Variants in MED16 observed in about 807,000 individuals in gnomAD.
MED16 encodes mediator complex subunit 16.
Under a neutral mutation model 84.4 loss-of-function variants are expected in MED16, and 81 were observed. That is an observed-to-expected ratio of 0.96 (90% confidence interval 0.80 to 1.15). The LOEUF (loss-of-function observed/expected upper bound fraction) is 1.15. Among genes scored for constraint, MED16 ranks in the 50% most tolerant of loss-of-function variants. The pLI is 0.00. For missense variants in MED16, 1,585 were observed against 1,245.9 expected, an observed-to-expected ratio of 1.27 and a Z score of -4.10; for synonymous variants, 897 against 552.2, an observed-to-expected ratio of 1.62 and a Z score of -8.76.
chr19:879,396 C>G, intron 8 of MED16, among the ~76,000 whole-genome samples: 1 of 142,286 alleles, frequency 7.0e-6, no homozygotes, highest in Non-Finnish European at 1.5e-5. Context: ...GCCCCAGCAG[C>G]TCACCTTTCC....
At position 877,144 on chromosome 19, in the gene MED16, G is replaced by C; in HGVS notation, c.1390C>G (p.Pro464Ala). 1 of 1,612,028 alleles carries C rather than the reference G, an allele frequency of 6.2e-7. No homozygotes were observed. Among genetic ancestry groups the C allele is most frequent in the Non-Finnish European group, 8.5e-7 (1 of 1,179,720 alleles). ...VLRLSPSMGHPLEVGLALRHL... is the reference protein window; with the variant it reads ...VLRLSPSMGHALEVGLALRHL... The stretch of plus-strand genomic sequence containing the variant: ...CGCAGCGCCAGCCCCACCTCCAGCG[G>C]GTGGCCCATGGAAGGTGAGAGGCGG... Residue 464 changes from proline (P) to alanine (A), a missense_variant, in exon 9 of 16, where the codon CCG (proline) becomes GCG (alanine). Coordinates refer to ENST00000325464, the MANE Select transcript of MED16 (RefSeq NM_005481.3).
intron 4 of MED16, among the ~76,000 whole-genome samples, chr19:889,275 G>A (rs113805600): frequency 1.3e-5 from 2 of 152,088 alleles, no homozygotes; most frequent in African/African-American, 4.8e-5. Context: ...CTAAATCAGA[G>A]GGTGGGCTGC....
chr19:886,678 G>C (rs187493353), intron 4 of MED16, among the ~76,000 whole-genome samples: 103 of 152,366 alleles, frequency 6.8e-4, no homozygotes, highest in Non-Finnish European at 1.9e-4. Flanking sequence ...TGCTGTGTAA[G>C]CACCAGCGGC....
In MED16 at chr19:868,896, G is replaced by A. The variant is rs763073436; in HGVS notation, c.2366C>T (p.Ala789Val). 7 of 1,551,840 alleles carry A rather than the reference G, an allele frequency of 4.5e-6. No homozygotes were observed. The East Asian group carries it at 9.4e-5, about 21-fold the overall frequency. ...GGCCTTGCATTCCTCCGTGGGGCAA[G>A]CGCCAAGGTGCAGCCTCCGCAGGTG... ...IDHLRRLHLG[A>V]CPTEECKACT... Residue 789 changes from alanine to valine, a missense_variant, in exon 14 of 16, where the codon GCT (alanine) becomes GTT (valine). Coordinates refer to ENST00000325464, the MANE Select transcript of MED16 (RefSeq NM_005481.3).
At chr19:871,524 C>A in intron 12 of MED16, 1 of 1,563,536 alleles carries the variant, frequency 6.4e-7, no homozygotes, top group Non-Finnish European at 8.6e-7. Context: ...TGTGCCTTTT[C>A]CAGACACTGG....
chr19:881,456 C>T (rs919041767), intron 7 of MED16, 103 bp downstream of exon 7: 25 of 1,358,674 alleles, frequency 1.8e-5, no homozygotes, highest in African/African-American at 5.8e-5. Flanking sequence ...TCAGAGCCCA[C>T]GTCCTCTGGT....
At chr19:877,242 G>C in intron 8 of MED16, 62 bp from the exon 9 acceptor site, 3 of 1,516,504 alleles carry the variant, frequency 2.0e-6, no homozygotes, top group Non-Finnish European at 1.8e-6. Flanking sequence ...AGCCGGGAGA[G>C]GAATGGGGCC....
intron 6 of MED16, among the ~76,000 whole-genome samples, chr19:884,629 C>T (rs187703916): frequency 1.9e-4 from 29 of 152,322 alleles, no homozygotes; most frequent in Admixed American, 1.4e-3. Flanking sequence ...GGCTGAGCAA[C>T]GACACCTCTC....
rs751604368 is a variant in MED16, at chr19:877,174, C to T, written c.1360G>A (p.Val454Met). The change falls in exon 9 of 16, where the codon GTG becomes ATG. Residue 454 changes from valine to methionine, a missense_variant. By Grantham distance (21) the Val-to-Met change is conservative. Coordinates refer to ENST00000325464, the MANE Select transcript of MED16 (RefSeq NM_005481.3). ...CCCATGGAAGGTGAGAGGCGGAGCA[C>T]GCTCAGCTGCCAGAGACAGAGCCCA... ...VGIDSHGKLS[V>M]LRLSPSMGHP... The T allele has an allele frequency of 2.4e-5, 39 of 1,608,032 alleles. No individual in the cohort carries two copies. The Admixed American group carries it at 2.7e-4, about 11-fold the overall frequency.
At chr19:879,146 C>T (rs2036347688) in intron 8 of MED16, among the ~76,000 whole-genome samples, 1 of 146,666 alleles carries the variant, frequency 6.8e-6, no homozygotes, top group Non-Finnish European at 1.5e-5. Context: ...CCAGCCCCAG[C>T]CCCACGTGCC....
At chr19:873,416 G>C in intron 11 of MED16, 33 bp downstream of exon 11, 10 of 1,592,724 alleles carry the variant, frequency 6.3e-6, no homozygotes, top group Non-Finnish European at 8.5e-6. Context: ...GGCCCAGGTG[G>C]GGGGCGGGGC....
rs775224906 is a variant in MED16, at chr19:868,291, C to G, written c.2484-40G>C. 3.8e-6 allele frequency: 6 copies of G among 1,587,784 alleles called. No homozygotes were observed. In the South Asian group the frequency reaches 6.7e-5, roughly 18 times the overall value. On this transcript the variant is annotated intron_variant, in intron 15 of 15. Coordinates refer to ENST00000325464, the MANE Select transcript of MED16 (RefSeq NM_005481.3). ...GAGGTTAACCGCGCCGAGGAGAGTC[C>G]AGGGCGAGCGGTGGCTCTTGCAGCA...
intron 10 of MED16, among the ~76,000 whole-genome samples, chr19:873,839 G>C (rs1470435271): frequency 6.6e-6 from 1 of 152,122 alleles, no homozygotes; most frequent in Non-Finnish European, 1.5e-5. Flanking sequence ...GGCGTGGGCA[G>C]GTCCCCATGC....
At position 872,896 on chromosome 19, in the gene MED16, A is replaced by T; in HGVS notation, c.1905+553T>A. 8.2e-6 allele frequency: 8 copies of T among 980,308 alleles called. 1 individual carries two copies. The highest frequency in any genetic ancestry group is 9.9e-6 in the Non-Finnish European group (8 of 810,664). The allele number at this position is 980,308 out of a possible 1,614,324, so 60.7% of individuals were successfully genotyped here. On this transcript the variant is annotated intron_variant, in intron 11 of 15. Coordinates refer to ENST00000325464, the MANE Select transcript of MED16 (RefSeq NM_005481.3). ...GAGAATGGGCAGGAAGGGTGTGGCCAAGGAAAGGCTTCTTACAGCAGAGGC... is the reference window on the plus strand; with the variant it reads ...GAGAATGGGCAGGAAGGGTGTGGCCTAGGAAAGGCTTCTTACAGCAGAGGC...
chr19:890,624 G>A (rs980199610), intron 2 of MED16, among the ~76,000 whole-genome samples: 3 of 152,262 alleles, frequency 2.0e-5, no homozygotes, highest in African/African-American at 7.2e-5. Flanking sequence ...AGAGAAGACG[G>A]GCACAGCCAC....
At chr19:892,924 GCCCCGCGCCCCGCGC>G (rs1304702000) in intron 1 of MED16, 147 bp downstream of exon 1, 17 of 136,778 alleles carry the variant, frequency 1.2e-4, no homozygotes, top group South Asian at 1.0e-3. Flanking sequence ...CGCGCCCCGC[GCCCCGCGCCCCGCGC>G]CCCAGGCCGC....
chr19:885,079 C>T (rs991155740), intron 5 of MED16, 71 bp from the exon 6 acceptor site: 6 of 1,209,410 alleles, frequency 5.0e-6, no homozygotes, highest in Non-Finnish European at 7.0e-6. Context: ...GGAGCCTGAG[C>T]TGCGGGACCC....
intron 5 of MED16, among the ~76,000 whole-genome samples, chr19:885,354 T>C (rs1012704111): frequency 2.0e-5 from 3 of 151,820 alleles, no homozygotes; most frequent in African/African-American, 7.3e-5. Context: ...CCCCAGAACA[T>C]CCCATCCTCA....
At chr19:870,812 G>A (rs1269799664) in intron 13 of MED16, among the ~76,000 whole-genome samples, 4 of 148,890 alleles carry the variant, frequency 2.7e-5, no homozygotes, top group African/African-American at 9.9e-5. Flanking sequence ...GGACATGGAG[G>A]GAGGGAGCCG....
Sources: allele counts gnomAD v4.1 joint callset (sites outside exome capture counted in the v4.1 genomes callset), GRCh38; gene constraint gnomAD v4.1.1; transcripts MANE v1.5; gene names NCBI Gene and HGNC (gene_info 2026-07-23, HGNC 2026-07-21).